Variants in STX12 observed in about 807,000 individuals in gnomAD.
STX12 encodes the protein syntaxin 12.
A neutral mutation model predicts 42.2 loss-of-function variants in STX12; 17 were observed. The observed-to-expected ratio is 0.40, with a 90% CI of 0.28 to 0.60. STX12 has a LOEUF of 0.60. Among genes scored for constraint, STX12 ranks in the 20% least tolerant of loss-of-function variants. STX12 has a pLI of 0.39. For missense variants in STX12, 297 were observed against 330.9 expected (o/e 0.90, Z 0.79); for synonymous variants, 108 against 116.7 (o/e 0.93, Z 0.48).
At chr1:27,774,993 G>A (rs1462329947) in intron 1 of STX12, among the ~76,000 whole-genome samples, 2 of 152,150 alleles carry the variant, frequency 1.3e-5, no homozygotes, top group African/African-American at 4.8e-5. Flanking sequence ...TATGTGGCCT[G>A]TTAAAATCCA....
intron 1 of STX12, among the ~76,000 whole-genome samples, chr1:27,778,062 A>G (rs1192241361): frequency 6.6e-6 from 1 of 152,170 alleles, no homozygotes; most frequent in East Asian, 1.9e-4. Context: ...GAGCTCTCAG[A>G]CATATATATT....
chr1:27,774,040 C>T (rs1244367730), intron 1 of STX12: 1 of 152,198 alleles, frequency 6.6e-6, no homozygotes, highest in Non-Finnish European at 1.5e-5. Context: ...TCACCAACAG[C>T]ATTTCAATTT....
chr1:27,803,720 T>C (rs888790751), intron 4 of STX12, among the ~76,000 whole-genome samples: 8 of 152,174 alleles, frequency 5.3e-5, no homozygotes, highest in Non-Finnish European at 1.0e-4. Flanking sequence ...TATAAAGAAT[T>C]CGGCCAGGCG....
chr1:27,789,233 A>G (rs77497322), intron 1 of STX12, among the ~76,000 whole-genome samples: 3,027 of 152,184 alleles, frequency 0.02, 83 homozygotes, highest in African/African-American at 0.067. Context: ...TATTGTTGCA[A>G]ATTGATATCT....
At chr1:27,778,885 A>C (rs182359159) in intron 1 of STX12, among the ~76,000 whole-genome samples, 190 of 152,240 alleles carry the variant, frequency 1.2e-3, no homozygotes, top group Non-Finnish European at 2.0e-3. Flanking sequence ...TGAGTCTCCC[A>C]AATAGCTAGG....
intron 6 of STX12, among the ~76,000 whole-genome samples, chr1:27,814,837 C>CA (rs34514169): frequency 0.14 from 11,408 of 84,392 alleles, 1,556 homozygotes; most frequent in African/African-American, 0.37. Flanking sequence ...GACTCTGTCT[C>CA]AAAAAAAAAA....
chr1:27,804,413 T>C (rs1197053011), intron 4 of STX12, among the ~76,000 whole-genome samples: 1 of 133,844 alleles, frequency 7.5e-6, no homozygotes, highest in Non-Finnish European at 1.5e-5. Context: ...GCAAAAAGAG[T>C]GAAATTCCGT....
intron 3 of STX12, 60 bp downstream of exon 3, chr1:27,793,692 T>C (rs2088765019): frequency 2.8e-6 from 4 of 1,409,148 alleles, no homozygotes; most frequent in South Asian, 1.2e-5. Context: ...AGAAAGGCAG[T>C]GTGTAGAACA....
rs987176576 is a variant in STX12, at chr1:27,822,617, T to C, written c.*288T>C. The C allele has an allele frequency of 3.5e-6, 1 of 282,530 alleles. No individual in the cohort carries two copies. The highest frequency in any genetic ancestry group is 6.8e-6 in the Non-Finnish European group (1 of 147,516). 17.5% of individuals were successfully genotyped at this position (282,530 alleles called of 1,614,324 possible). On this transcript the variant is annotated 3_prime_UTR_variant, in exon 9 of 9. Transcript: ENST00000373943. Reference sequence around the variant, plus strand: ...CAAGTGTTTACTGAAAATTCCATTCTAGATATTCTTGTTTTGACAAATGAC... The same window carrying C: ...CAAGTGTTTACTGAAAATTCCATTCCAGATATTCTTGTTTTGACAAATGAC...
chr1:27,812,842 G>A (rs2088913478), intron 6 of STX12, among the ~76,000 whole-genome samples: 1 of 152,058 alleles, frequency 6.6e-6, no homozygotes, highest in Admixed American at 6.6e-5. Flanking sequence ...TATTTCTCCT[G>A]GAGAAATGTA....
At position 27,774,967 on chromosome 1, in the gene STX12, G is replaced by A. The variant is rs191931347; in HGVS notation, c.118+1542G>A. Among the ~76,000 whole-genome samples, 14 of 152,294 alleles carry A rather than the reference G, an allele frequency of 9.2e-5. No homozygotes were observed. In the East Asian group the frequency reaches 2.7e-3, roughly 29 times the overall value. On this transcript the variant is annotated intron_variant, in intron 1 of 8. Transcript: ENST00000373943. Reference sequence around the variant, plus strand: ...CTGATCAAAAGGGATTGAGACTCTGGAAGTGAAAGGAAGAATATGTGGCCT... The same window carrying A: ...CTGATCAAAAGGGATTGAGACTCTGAAAGTGAAAGGAAGAATATGTGGCCT...
At chr1:27,816,300 T>G (rs12095573) in intron 6 of STX12, among the ~76,000 whole-genome samples, 1 of 148,496 alleles carries the variant, frequency 6.7e-6, no homozygotes, top group Non-Finnish European at 1.5e-5. Context: ...GCAACAAGAG[T>G]GAAACTCTAC....
At chr1:27,805,338 G>A (rs2088856141) in intron 4 of STX12, among the ~76,000 whole-genome samples, 1 of 152,034 alleles carries the variant, frequency 6.6e-6, no homozygotes, top group African/African-American at 2.4e-5. Flanking sequence ...GATTTTTTAT[G>A]CACATGGGGA....
chr1:27,808,697 A>G (rs2088881620), intron 4 of STX12, among the ~76,000 whole-genome samples: 1 of 152,156 alleles, frequency 6.6e-6, no homozygotes, highest in South Asian at 2.1e-4. Context: ...TTTTTTAATA[A>G]TAATGATATT....
intron 1 of STX12, chr1:27,773,812 T>G: frequency 4.4e-6 from 1 of 229,144 alleles, no homozygotes; most frequent in Non-Finnish European, 9.1e-6. Context: ...GCTTTCCTCT[T>G]AGACCAGTTT....
intron 8 of STX12, 31 bp from the exon 9 acceptor site, chr1:27,822,200 G>A (rs1301266785): frequency 3.8e-6 from 5 of 1,331,930 alleles, no homozygotes; most frequent in Non-Finnish European, 5.4e-6. Context: ...CTTGTTTCAT[G>A]AGTATCTTGT....
At chr1:27,807,312 T>C (rs1038075638) in intron 4 of STX12, among the ~76,000 whole-genome samples, 1 of 152,166 alleles carries the variant, frequency 6.6e-6, no homozygotes, top group Non-Finnish European at 1.5e-5. Context: ...ATTCTTCCTA[T>C]TTTTTGTGCC....
chr1:27,793,976 G>C (rs2088767135), intron 3 of STX12, among the ~76,000 whole-genome samples: 1 of 150,514 alleles, frequency 6.6e-6, no homozygotes, highest in Admixed American at 6.6e-5. Flanking sequence ...ATGTTTGTAG[G>C]CTTCCTCCTT....
chr1:27,805,138 T>G (rs192466051), intron 4 of STX12, among the ~76,000 whole-genome samples: 2 of 152,260 alleles, frequency 1.3e-5, no homozygotes, highest in Non-Finnish European at 2.9e-5. Context: ...TGGGGATTAT[T>G]ACAATTCAAG....
Sources: allele counts gnomAD v4.1 joint callset (sites outside exome capture counted in the v4.1 genomes callset), GRCh38; gene constraint gnomAD v4.1.1; transcripts MANE v1.5; gene names NCBI Gene and HGNC (gene_info 2026-07-23, HGNC 2026-07-21).